OR7A10: variants seen among roughly 807,000 people sequenced by gnomAD.
The protein encoded by OR7A10 is olfactory receptor family 7 subfamily A member 10.
For synonymous variants in OR7A10, 144 were observed against 144.5 expected, an observed-to-expected ratio of 1.00 and a Z score of 0.02; for missense variants, 358 against 370.1, an observed-to-expected ratio of 0.97 and a Z score of 0.27.
At chr19:14,845,124 G>A (rs760961043) in intron 1 of OR7A10, among the ~76,000 whole-genome samples, 3 of 150,670 alleles carry the variant, frequency 2.0e-5, no homozygotes, top group Admixed American at 6.6e-5. Context: ...GCATCACATC[G>A]TGGCCTCCTA....
Position 14,841,598 on chromosome 19 carries a change from A to G in OR7A10, c.280T>C (p.Tyr94His). Residue 94 changes from tyrosine to histidine, a missense_variant, in exon 2 of 2, where the codon TAT becomes CAT. Physicochemically the swap from Tyr to His is moderately conservative, Grantham distance 83. Coordinates refer to ENST00000641129, the MANE Select transcript of OR7A10 (RefSeq NM_001005190.2). ...NIQTHNKVIT[Y>H]AGCITQMCFF... ...CACATCTGGGTGATGCAGCCTGCAT[A>G]GGTGATGACTTTGTTGTGTGTCTGG... 6.2e-7 allele frequency: 1 copy of G among 1,614,216 alleles called. No individual in the cohort carries two copies. Among genetic ancestry groups the G allele is most frequent in the African/African-American group, 1.3e-5 (1 of 75,052 alleles).
At chr19:14,847,873 C>G (rs1956585379) in intron 1 of OR7A10, among the ~76,000 whole-genome samples, 1 of 151,402 alleles carries the variant, frequency 6.6e-6, no homozygotes, top group Middle Eastern at 3.4e-3. Context: ...GCCTGTAATC[C>G]CAGCACTTTG....
At position 14,841,894 on chromosome 19, in the gene OR7A10, CAG is replaced by C. The variant is rs141373725; in HGVS notation, c.-12-7_-12-6del. 153,077 of 1,101,092 alleles carry C rather than the reference CAG, an allele frequency of 0.14. 1 individual carries two copies. Among genetic ancestry groups the C allele is most frequent in the East Asian group, 0.21 (5,621 of 27,176 alleles). The allele number at this position is 1,101,092 out of a possible 1,614,324, so 68.2% of individuals were successfully genotyped here. A position where few individuals can be genotyped will look rare whatever the true frequency, so the allele number is the denominator to read the frequency against. On this transcript the variant is annotated splice_polypyrimidine_tract_variant and splice_region_variant and intron_variant, in intron 1 of 1. Coordinates refer to ENST00000641129, the MANE Select transcript of OR7A10 (RefSeq NM_001005190.2). ...TGATTTCATCTTGTGATGTGACTACCAGAGAGAGAGAGAGAGAGAGAGAGAGA... is the reference window on the plus strand; with the variant it reads ...TGATTTCATCTTGTGATGTGACTACCAGAGAGAGAGAGAGAGAGAGAGAGA...
rs1348866444 is a variant in OR7A10 at position 14,844,664 on chromosome 19, G to GTTTTTTTTTTTTTTTTTTTTTTTTTTTTT, written c.-12-2776_-12-2775insAAAAAAAAAAAAAAAAAAAAAAAAAAAAA. 2.1e-3 allele frequency among the ~76,000 whole-genome samples: 208 copies of GTTTTTTTTTTTTTTTTTTTTTTTTTTTTT among 97,644 alleles called. 38 individuals are homozygous for GTTTTTTTTTTTTTTTTTTTTTTTTTTTTT. Among genetic ancestry groups the GTTTTTTTTTTTTTTTTTTTTTTTTTTTTT allele is most frequent in the Non-Finnish European group, 2.5e-3 (128 of 50,504 alleles). 64.1% of individuals were successfully genotyped at this position (97,644 alleles called of 152,430 possible). Reference sequence around the variant, plus strand: ...TTTTCACTGTTGCCTTGAGTTCTGTGTTTTTTTTTTTTTTTTGAGATGGAG... The same window carrying GTTTTTTTTTTTTTTTTTTTTTTTTTTTTT: ...TTTTCACTGTTGCCTTGAGTTCTGTGTTTTTTTTTTTTTTTTTTTTTTTTTTTTTTTTTTTTTTTTTTTTTGAGATGGAG... On this transcript the variant is annotated intron_variant, in intron 1 of 1. Coordinates refer to ENST00000641129, the MANE Select transcript of OR7A10 (RefSeq NM_001005190.2).
At position 14,841,352 on chromosome 19, in the gene OR7A10, G is replaced by A. The variant is rs1309850230; in HGVS notation, c.526C>T (p.His176Tyr). The A allele has an allele frequency of 6.2e-7, 1 of 1,614,006 alleles. No individual in the cohort carries two copies. The highest frequency in any genetic ancestry group is 8.5e-7 in the Non-Finnish European group (1 of 1,179,988). The change falls in exon 2 of 2, where the codon CAT becomes TAT. Residue 176 changes from histidine to tyrosine, a missense_variant. Coordinates refer to ENST00000641129, the MANE Select transcript of OR7A10 (RefSeq NM_001005190.2). ...ACCTGATTAATTTCACAGAAAAAAT[G>A]AGGGATTTCCATGTGTGTACAAAAG... ...LPFCTHMEIP[H>Y]FFCEINQVVH...
intron 1 of OR7A10, among the ~76,000 whole-genome samples, chr19:14,843,167 A>G (rs993581300): frequency 6.6e-6 from 1 of 152,224 alleles, no homozygotes; most frequent in African/African-American, 2.4e-5. Flanking sequence ...CTATAATTGA[A>G]AAGTCAAAAA....
At chr19:14,847,786 C>T (rs377328489) in intron 1 of OR7A10, among the ~76,000 whole-genome samples, 65 of 150,884 alleles carry the variant, frequency 4.3e-4, no homozygotes, top group African/African-American at 1.5e-3. Flanking sequence ...AGTGCTGGGA[C>T]TACAGGCGTG....
chr19:14,847,687 T>C (rs993053422), intron 1 of OR7A10, among the ~76,000 whole-genome samples: 2 of 152,074 alleles, frequency 1.3e-5, no homozygotes, highest in South Asian at 4.1e-4. Flanking sequence ...ATTTGTTTTT[T>C]GTATTTTTAG....
At chr19:14,846,695 G>T (rs144772270) in intron 1 of OR7A10, among the ~76,000 whole-genome samples, 672 of 41,814 alleles carry the variant, frequency 0.016, 11 homozygotes, top group African/African-American at 0.058. Flanking sequence ...GGGTGACAGA[G>T]CGAGACTCCA....
In OR7A10 at chr19:14,840,980, C is replaced by T. The variant is rs759240152; in HGVS notation, c.898G>A (p.Ala300Thr). ...TTTCCTCTGAAGAATGTTTTCATAG[C>T]ACCCTTTATGTGTTTATTCCTCAGA... ...YSLRNKHIKG[A>T]MKTFFRGKQ The change falls in exon 2 of 2, where the codon GCT (alanine) becomes ACT (threonine). Residue 300 changes from alanine (A) to threonine (T), a missense_variant. Coordinates refer to ENST00000641129, the MANE Select transcript of OR7A10 (RefSeq NM_001005190.2). 1.9e-6 allele frequency: 3 copies of T among 1,612,124 alleles called. No individual in the cohort carries two copies. In the South Asian group the frequency reaches 3.3e-5, roughly 18 times the overall value.
At position 14,840,851 on chromosome 19, in the gene OR7A10, G is replaced by T; in HGVS notation, c.*97C>A. The T allele has an allele frequency of 3.7e-6, 3 of 814,098 alleles. No individual in the cohort carries two copies. Among genetic ancestry groups the T allele is most frequent in the African/African-American group, 1.7e-5 (1 of 58,230 alleles). 50.4% of individuals were successfully genotyped at this position (814,098 alleles called of 1,614,324 possible). On this transcript the variant is annotated 3_prime_UTR_variant, in exon 2 of 2. Transcript: ENST00000641129. ...AAACTCCAGGAAATAAATGGAAGGGGCAAGTCTTCCTTCCACCATCTTATT... is the reference window on the plus strand; with the variant it reads ...AAACTCCAGGAAATAAATGGAAGGGTCAAGTCTTCCTTCCACCATCTTATT...
chr19:14,840,869 A>G lies in OR7A10; in HGVS notation c.*79T>C. 9.7e-7 allele frequency: 1 copy of G among 1,027,478 alleles called. No homozygotes were observed. Among genetic ancestry groups the G allele is most frequent in the Non-Finnish European group, 1.4e-6 (1 of 694,630 alleles). 63.6% of individuals were successfully genotyped at this position (1,027,478 alleles called of 1,614,324 possible). A position where few individuals can be genotyped will look rare whatever the true frequency, so the allele number is the denominator to read the frequency against. Reference sequence around the variant, plus strand: ...GGAAGGGGCAAGTCTTCCTTCCACCATCTTATTAACAAATCACCATTTCTG... The same window carrying G: ...GGAAGGGGCAAGTCTTCCTTCCACCGTCTTATTAACAAATCACCATTTCTG... On this transcript the variant is annotated 3_prime_UTR_variant, in exon 2 of 2. Transcript: ENST00000641129.
At chr19:14,844,664 G>GTTTTTTTTTTTGTTTTTTTTTTTTTTT in intron 1 of OR7A10, among the ~76,000 whole-genome samples, 1 of 97,660 alleles carries the variant, frequency 1.0e-5, no homozygotes, top group Non-Finnish European at 2.0e-5. Context: ...TGAGTTCTGT[G>GTTTTTTTTTTTGTTTTTTTTTTTTTTT]TTTTTTTTTT....
At position 14,840,879 on chromosome 19, in the gene OR7A10, C is replaced by T; in HGVS notation, c.*69G>A. On this transcript the variant is annotated 3_prime_UTR_variant, in exon 2 of 2. Coordinates refer to ENST00000641129, the MANE Select transcript of OR7A10 (RefSeq NM_001005190.2). ...AGTCTTCCTTCCACCATCTTATTAA[C>T]AAATCACCATTTCTGGCTCTGGGGC... The T allele has an allele frequency of 1.7e-6, 2 of 1,149,212 alleles. No homozygotes were observed. Among genetic ancestry groups the T allele is most frequent in the Admixed American group, 2.3e-5 (1 of 43,422 alleles). 71.2% of individuals were successfully genotyped at this position (1,149,212 alleles called of 1,614,324 possible).
At chr19:14,845,231 T>G (rs1339367856) in intron 1 of OR7A10, among the ~76,000 whole-genome samples, 4 of 151,734 alleles carry the variant, frequency 2.6e-5, no homozygotes, top group Admixed American at 2.6e-4. Context: ...TCCCAGCACT[T>G]TGGGAGGCTG....
chr19:14,841,415 T>G lies in OR7A10; in HGVS notation c.463A>C (p.Asn155His), dbSNP rs768621945. The change falls in exon 2 of 2, where the codon AAT (asparagine) becomes CAT (histidine). Residue 155 changes from asparagine to histidine, a missense_variant. By Grantham distance (68) the Asn-to-His change is moderately conservative. Coordinates refer to ENST00000641129, the MANE Select transcript of OR7A10 (RefSeq NM_001005190.2). The part of the protein sequence containing the change: ...VLASWIMSVL[N>H]SMLQSLMVLP... ...ACCATTAAGCTTTGTAACATGGAAT[T>G]CAGAACACTCATGATCCAGGATGCC... is the stretch of plus-strand genomic sequence containing the variant. 1.5e-5 allele frequency: 25 copies of G among 1,614,018 alleles called. No individual in the cohort carries two copies. Among genetic ancestry groups the G allele is most frequent in the Non-Finnish European group, 2.1e-5 (25 of 1,180,028 alleles).
chr19:14,844,228 C>G (rs2044929513), intron 1 of OR7A10, among the ~76,000 whole-genome samples: 1 of 152,118 alleles, frequency 6.6e-6, no homozygotes. Context: ...CGTGACAGCT[C>G]CTACAAAGTA....
intron 1 of OR7A10, among the ~76,000 whole-genome samples, chr19:14,846,303 C>T (rs985463488): frequency 1.3e-5 from 2 of 151,848 alleles, no homozygotes; most frequent in Non-Finnish European, 2.9e-5. Flanking sequence ...TGTATGAATA[C>T]AAAAGTGTGC....
Position 14,840,744 on chromosome 19 carries a change from T to C in OR7A10, c.*204A>G, listed in dbSNP as rs2044905640. 1.1e-5 allele frequency: 5 copies of C among 457,496 alleles called. No homozygotes were observed. Among genetic ancestry groups the C allele is most frequent in the Non-Finnish European group, 1.9e-5 (5 of 259,638 alleles). 28.3% of individuals were successfully genotyped at this position (457,496 alleles called of 1,614,324 possible). A position where few individuals can be genotyped will look rare whatever the true frequency, so the allele number is the denominator to read the frequency against. On this transcript the variant is annotated 3_prime_UTR_variant, in exon 2 of 2. Transcript: ENST00000641129. ...TTATTTCATGTATGATTGAAAATTA[T>C]ATTCCGTCATATTTAAGGTCATCTC...
Sources: gnomAD v4.1 joint callset for allele counts (sites outside exome capture counted in the v4.1 genomes callset) on GRCh38, gnomAD v4.1.1 for gene constraint, MANE v1.5 for transcripts, NCBI Gene and HGNC (gene_info 2026-07-23, HGNC 2026-07-21) for gene names.